CDK11B: variants seen among roughly 807,000 people sequenced by gnomAD.
CDK11B encodes cyclin dependent kinase 11B.
A neutral mutation model predicts 84.0 loss-of-function variants in CDK11B; 37 were observed. The ratio of observed to expected loss-of-function variants is 0.44; its 90% confidence interval spans 0.34 to 0.58. The LOEUF (loss-of-function observed/expected upper bound fraction) is 0.58, where lower values mean the gene tolerates loss of function less well. CDK11B is among the 20% of genes least tolerant of loss of function. CDK11B has a pLI of 0.02. For missense variants in CDK11B, 427 were observed against 834.0 expected, an observed-to-expected ratio of 0.51 and a Z score of 6.01; for synonymous variants, 269 against 309.8, an observed-to-expected ratio of 0.87 and a Z score of 1.38.
chr1:1,640,315 G>C lies in CDK11B; in HGVS notation c.1213C>G (p.Leu405Val), dbSNP rs760722578. The part of the protein sequence containing the change: ...PDSPALSPIE[L>V]KQELPKYLPA... ...AGGTACTTGGGCAGCTCCTGCTTGA[G>C]CTCGATGGGCGACAGGGCAGGGGAG... The change falls in exon 11 of 20, where the codon CTC becomes GTC. Residue 405 changes from leucine (L) to valine (V), a missense_variant. Leu to Val is a conservative substitution (Grantham distance 32). Coordinates refer to ENST00000341832, the MANE Select transcript of CDK11B (RefSeq NM_033486.3). 1.9e-6 allele frequency: 3 copies of C among 1,613,668 alleles called. No individual in the cohort carries two copies. The highest frequency in any genetic ancestry group is 2.5e-6 in the Non-Finnish European group (3 of 1,179,664).
At chr1:1,639,769 C>G (rs1270436185) in intron 11 of CDK11B, among the ~76,000 whole-genome samples, 1 of 152,096 alleles carries the variant, frequency 6.6e-6, no homozygotes, top group Non-Finnish European at 1.5e-5. Context: ...CCACTGGCAC[C>G]TTCTCAGGCT....
chr1:1,637,551 G>A (rs1639558088), intron 13 of CDK11B, 38 bp from the exon 14 acceptor site: 1 of 1,609,804 alleles, frequency 6.2e-7, no homozygotes, highest in Non-Finnish European at 8.5e-7. Context: ...GGCACCTCCA[G>A]GCCCCCACCC....
intron 3 of CDK11B, 136 bp from the exon 4 acceptor site, chr1:1,652,702 C>G: frequency 1.6e-6 from 1 of 640,788 alleles, no homozygotes; most frequent in Non-Finnish European, 2.4e-6. Context: ...TAAAAAATTA[C>G]ATTAATTCTC....
Position 1,648,604 on chromosome 1 carries a change from C to G in CDK11B, c.494+895G>C, listed in dbSNP as rs61774953. On this transcript the variant is annotated intron_variant, in intron 5 of 19. Coordinates refer to ENST00000341832, the MANE Select transcript of CDK11B (RefSeq NM_033486.3). The stretch of plus-strand genomic sequence containing the variant: ...TCTGAAGGCGGAGATGGGCCTGCTC[C>G]CACCTGGCCTACAGCCTTTTTCCTG... Among the ~76,000 whole-genome samples, 567 of 149,762 alleles carry G rather than the reference C, an allele frequency of 3.8e-3. 4 individuals are homozygous for G. Among genetic ancestry groups the G allele is most frequent in the African/African-American group, 0.011 (467 of 40,718 alleles).
intron 2 of CDK11B, among the ~76,000 whole-genome samples, chr1:1,656,054 C>G: frequency 6.6e-6 from 1 of 152,180 alleles, no homozygotes; most frequent in East Asian, 1.9e-4. Context: ...AAAAATGAAT[C>G]TTAAGGCGTA....
Position 1,641,229 on chromosome 1 carries a change from C to G in CDK11B, c.1010-116G>C, listed in dbSNP as rs192475345. 616 of 1,542,672 alleles carry G rather than the reference C, an allele frequency of 4.0e-4. 9 individuals are homozygous for G. In the African/African-American group the frequency reaches 6.2e-3, roughly 15 times the overall value. On this transcript the variant is annotated intron_variant, in intron 9 of 19. Coordinates refer to ENST00000341832, the MANE Select transcript of CDK11B (RefSeq NM_033486.3). ...GTGTTCCCAAGAATGGATATGCAGGCCGGGCGCGGTGGCTCACGCCTGTAA... is the reference window on the plus strand; with the variant it reads ...GTGTTCCCAAGAATGGATATGCAGGGCGGGCGCGGTGGCTCACGCCTGTAA...
intron 4 of CDK11B, among the ~76,000 whole-genome samples, chr1:1,650,452 G>A (rs1191160035): frequency 0.16 from 22,076 of 141,642 alleles, 3,574 homozygotes; most frequent in African/African-American, 0.41. Flanking sequence ...TGCAAGCTCC[G>A]CCTCCCGTGT....
intron 6 of CDK11B, among the ~76,000 whole-genome samples, chr1:1,644,892 C>G (rs1192519922): frequency 6.8e-6 from 1 of 147,714 alleles, no homozygotes; most frequent in East Asian, 2.0e-4. Flanking sequence ...ACTCCGGAGG[C>G]TGAGGCAGGA....
At chr1:1,654,143 G>C in intron 3 of CDK11B, 2 of 464,914 alleles carry the variant, frequency 4.3e-6, no homozygotes, top group Non-Finnish European at 4.3e-6. Flanking sequence ...CCATTATACC[G>C]TAATTTCTGG....
intron 10 of CDK11B, 144 bp downstream of exon 10, chr1:1,640,904 G>A (rs537728165): frequency 2.1e-5 from 20 of 939,014 alleles, no homozygotes; most frequent in African/African-American, 1.8e-4. Flanking sequence ...GGGCCCCACC[G>A]GCACAGCCTG....
chr1:1,641,188 T>C (rs1640239712), intron 9 of CDK11B, 75 bp from the exon 10 acceptor site: 18 of 1,552,850 alleles, frequency 1.2e-5, no homozygotes, highest in Non-Finnish European at 1.6e-5. Flanking sequence ...CGGGCTCCGC[T>C]TCAGCTAAGC....
intron 17 of CDK11B, 38 bp downstream of exon 17, chr1:1,636,644 A>T (rs1639343664): frequency 1.2e-6 from 2 of 1,611,590 alleles, no homozygotes; most frequent in Non-Finnish European, 1.7e-6. Flanking sequence ...CAACTCCTCC[A>T]CAACCCCACA....
At chr1:1,651,461 G>A (rs1350954690) in intron 4 of CDK11B, among the ~76,000 whole-genome samples, 1 of 71,864 alleles carries the variant, frequency 1.4e-5, no homozygotes, top group Admixed American at 1.1e-4. Flanking sequence ...CATGCTTTCA[G>A]CTAGAGTACT....
chr1:1,639,242 A>C (rs1331278933), intron 11 of CDK11B, among the ~76,000 whole-genome samples: 2 of 151,718 alleles, frequency 1.3e-5, no homozygotes, highest in Non-Finnish European at 2.9e-5. Flanking sequence ...TGCCCGGTCA[A>C]AACTCCTTTC....
chr1:1,640,329 A>C lies in CDK11B; in HGVS notation c.1199T>G (p.Leu400Arg), dbSNP rs1640078649. The C allele has an allele frequency of 6.2e-7, 1 of 1,613,568 alleles. No homozygotes were observed. Among genetic ancestry groups the C allele is most frequent in the African/African-American group, 1.3e-5 (1 of 74,940 alleles). ...CTCCTGCTTGAGCTCGATGGGCGAC[A>C]GGGCAGGGGAGTCGGGCACATAGTC... ...EGDYVPDSPA[L>R]SPIELKQELP... Residue 400 changes from leucine (L) to arginine (R), a missense_variant, in exon 11 of 20, where the codon CTG (leucine) becomes CGG (arginine). Coordinates refer to ENST00000341832, the MANE Select transcript of CDK11B (RefSeq NM_033486.3).
In CDK11B at chr1:1,640,923, A is replaced by G. The variant is rs1177763389; in HGVS notation, c.1075+125T>C. The G allele has an allele frequency of 3.6e-6, 5 of 1,385,398 alleles. No individual in the cohort carries two copies. In the Admixed American group the frequency reaches 1.2e-4, roughly 34 times the overall value. 85.8% of individuals were successfully genotyped at this position (1,385,398 alleles called of 1,614,324 possible). A position where few individuals can be genotyped will look rare whatever the true frequency, so the allele number is the denominator to read the frequency against. ...CCCACCGGCACAGCCTGGAGCGGCC[A>G]ACGAATCAGGCGGCCTCCCAGACCC... On this transcript the variant is annotated intron_variant, in intron 10 of 19. Coordinates refer to ENST00000341832, the MANE Select transcript of CDK11B (RefSeq NM_033486.3).
rs1377716753 is a variant in CDK11B, at chr1:1,651,150, G to A, written c.355+1289C>T. On this transcript the variant is annotated intron_variant, in intron 4 of 19. Coordinates refer to ENST00000341832, the MANE Select transcript of CDK11B (RefSeq NM_033486.3). Reference sequence around the variant, plus strand: ...CGTAAGAACCTCCTGATGTTGGTACGAGATCAAACTGCTCAAGCCAAACCC... The same window carrying A: ...CGTAAGAACCTCCTGATGTTGGTACAAGATCAAACTGCTCAAGCCAAACCC... Among the ~76,000 whole-genome samples, 29 of 152,282 alleles carry A rather than the reference G, an allele frequency of 1.9e-4. 1 individual carries two copies. The South Asian group carries it at 4.6e-3, about 24-fold the overall frequency.
intron 4 of CDK11B, among the ~76,000 whole-genome samples, chr1:1,650,355 ATTTTTCTTT>A (rs1416891104): frequency 1.5e-5 from 2 of 135,926 alleles, no homozygotes; most frequent in Admixed American, 7.3e-5. Context: ...AGTAATCCTA[ATTTTTCTTT>A]TTTTTCTTTT....
intron 6 of CDK11B, among the ~76,000 whole-genome samples, chr1:1,644,054 CA>C (rs1307003949): frequency 6.6e-6 from 1 of 152,228 alleles, no homozygotes; most frequent in Non-Finnish European, 1.5e-5. Flanking sequence ...AAGCCTAAGG[CA>C]AAGAGAATCT....
Sources: allele counts gnomAD v4.1 joint callset (sites outside exome capture counted in the v4.1 genomes callset), GRCh38; gene constraint gnomAD v4.1.1; transcripts MANE v1.5; gene names NCBI Gene and HGNC (gene_info 2026-07-23, HGNC 2026-07-21).